Variants in PINX1 observed in about 807,000 individuals in gnomAD.
PINX1 encodes the protein PIN2/TERF1-interacting telomerase inhibitor 1.
Under a neutral mutation model 25.4 loss-of-function variants are expected in PINX1, and 34 were observed. The observed-to-expected ratio is 1.34, with a 90% confidence interval of 1.02 to 1.78. The LOEUF (loss-of-function observed/expected upper bound fraction) is 1.78. PINX1 is among the 40% of genes most tolerant of loss of function. The pLI is 0.00. For synonymous variants in PINX1, 197 were observed against 147.7 expected (o/e 1.33, Z -2.42); for missense variants, 592 against 404.9 (o/e 1.46, Z -3.97).
chr8:10,838,043 T>C (rs1268775792), intron 1 of PINX1, among the ~76,000 whole-genome samples: 3 of 152,160 alleles, frequency 2.0e-5, no homozygotes, highest in African/African-American at 7.2e-5. Context: ...ATAAGGCAAA[T>C]CAGAGCGGTA....
At chr8:10,786,509 T>TG (rs1167598425) in intron 6 of PINX1, among the ~76,000 whole-genome samples, 1 of 152,180 alleles carries the variant, frequency 6.6e-6, no homozygotes, top group Non-Finnish European at 1.5e-5. Flanking sequence ...AGTCTCAGCG[T>TG]GGCTGCAGCA....
chr8:10,814,610 G>C (rs1343149542), intron 6 of PINX1, among the ~76,000 whole-genome samples: 3 of 152,246 alleles, frequency 2.0e-5, no homozygotes, highest in Admixed American at 6.5e-5. Context: ...CAAGTAGATT[G>C]TGCATGGCGT....
At chr8:10,838,745 T>C (rs1798480825) in intron 1 of PINX1, among the ~76,000 whole-genome samples, 1 of 152,242 alleles carries the variant, frequency 6.6e-6, no homozygotes, top group East Asian at 1.9e-4. Flanking sequence ...TCCGCTGGTC[T>C]TACTGGCAAG....
intron 6 of PINX1, among the ~76,000 whole-genome samples, chr8:10,804,508 A>G (rs978540469): frequency 6.6e-6 from 1 of 152,116 alleles, no homozygotes; most frequent in Non-Finnish European, 1.5e-5. Context: ...TGCATCTGTC[A>G]TACGCTGGGC....
intron 5 of PINX1, 35 bp downstream of exon 5, chr8:10,826,117 A>G (rs369897834): frequency 2.1e-5 from 26 of 1,210,464 alleles, no homozygotes; most frequent in Non-Finnish European, 3.0e-5. Context: ...AAACACGTAG[A>G]TTTCAATAAC....
intron 1 of PINX1, among the ~76,000 whole-genome samples, chr8:10,836,944 T>G (rs989604582): frequency 6.5e-5 from 8 of 122,798 alleles, no homozygotes; most frequent in African/African-American, 2.9e-4. Context: ...TCTGAGCTGT[T>G]CCAATTGGAT....
At chr8:10,823,209 T>C (rs1216168977) in intron 5 of PINX1, among the ~76,000 whole-genome samples, 1 of 152,252 alleles carries the variant, frequency 6.6e-6, no homozygotes, top group Non-Finnish European at 1.5e-5. Flanking sequence ...CAATTCTGTA[T>C]TTCCCGACCA....
At chr8:10,801,965 T>G (rs1802277196) in intron 6 of PINX1, among the ~76,000 whole-genome samples, 1 of 152,138 alleles carries the variant, frequency 6.6e-6, no homozygotes, top group South Asian at 2.1e-4. Flanking sequence ...AATCTCACAG[T>G]ACTGCCCCAT....
At position 10,765,852 on chromosome 8, in the gene PINX1, T is replaced by C. The variant is rs1801022973; in HGVS notation, c.536A>G (p.Gln179Arg). Residue 179 changes from glutamine to arginine, a missense_variant, in exon 7 of 7, where the codon CAG becomes CGG. Coordinates refer to ENST00000314787, the MANE Select transcript of PINX1 (RefSeq NM_017884.6). ...TGCCATCCGCTTGGCAAAGTACTCCTGGATGGTGAAGGCGCTGGTTGTCGT... is the reference window on the plus strand; with the variant it reads ...TGCCATCCGCTTGGCAAAGTACTCCCGGATGGTGAAGGCGCTGGTTGTCGT... ...ETTTTSAFTI[Q>R]EYFAKRMAAL... is the part of the protein sequence containing the mutation. The C allele has an allele frequency of 6.2e-7, 1 of 1,613,986 alleles. No homozygotes were observed. Among genetic ancestry groups the C allele is most frequent in the Non-Finnish European group, 8.5e-7 (1 of 1,179,894 alleles).
chr8:10,787,695 T>C, intron 6 of PINX1: 1 of 394,604 alleles, frequency 2.5e-6, no homozygotes, highest in Non-Finnish European at 5.0e-6. Flanking sequence ...ATCTATGTGG[T>C]TAAAGTGAGT....
chr8:10,838,643 C>A (rs1798478080), intron 1 of PINX1, among the ~76,000 whole-genome samples: 1 of 152,192 alleles, frequency 6.6e-6, no homozygotes, highest in African/African-American at 2.4e-5. Flanking sequence ...GAGATCTTAG[C>A]TATCTAGGCT....
chr8:10,803,118 CA>C (rs374134564), intron 6 of PINX1, among the ~76,000 whole-genome samples: 1 of 151,800 alleles, frequency 6.6e-6, no homozygotes, highest in African/African-American at 2.4e-5. Flanking sequence ...TTCAAATATA[CA>C]AAAAAAATTA....
At position 10,765,367 on chromosome 8, in the gene PINX1, G is replaced by C. The variant is rs761194057; in HGVS notation, c.*34C>G. 5.2e-6 allele frequency: 8 copies of C among 1,545,050 alleles called. No individual in the cohort carries two copies. The South Asian group carries it at 1.0e-4, about 19-fold the overall frequency. On this transcript the variant is annotated 3_prime_UTR_variant, in exon 7 of 7. Transcript: ENST00000314787. ...TGTCTGCCCCCGCAGTGCCCTGACA[G>C]CTGAGTGGTCGGAAGGCCCCGGCTG...
intron 6 of PINX1, among the ~76,000 whole-genome samples, chr8:10,816,113 T>C (rs1230738905): frequency 6.6e-6 from 1 of 152,122 alleles, no homozygotes; most frequent in African/African-American, 2.4e-5. Flanking sequence ...AGGGAGGCCT[T>C]GGTGGTAATG....
chr8:10,812,563 C>T (rs1311171631), intron 6 of PINX1, among the ~76,000 whole-genome samples: 2 of 152,206 alleles, frequency 1.3e-5, no homozygotes, highest in Non-Finnish European at 1.5e-5. Flanking sequence ...TGAATTTCAT[C>T]AGTCAGTGCT....
intron 6 of PINX1, among the ~76,000 whole-genome samples, chr8:10,766,965 G>A (rs13258593): frequency 0.073 from 11,071 of 152,122 alleles, 532 homozygotes; most frequent in African/African-American, 0.14. Flanking sequence ...GAATATGCTC[G>A]GAGTCAAATC....
intron 6 of PINX1, among the ~76,000 whole-genome samples, chr8:10,789,452 T>C (rs1338021483): frequency 6.6e-6 from 1 of 152,188 alleles, no homozygotes; most frequent in Admixed American, 6.5e-5. Flanking sequence ...TAAGATCTAA[T>C]CTATTAGCAA....
In PINX1 at chr8:10,775,538, A is replaced by G. The variant is rs370353684; in HGVS notation, c.472-9622T>C. Among the ~76,000 whole-genome samples, 53 of 152,026 alleles carry G rather than the reference A, an allele frequency of 3.5e-4. 1 individual carries two copies. In the South Asian group the frequency reaches 0.011, roughly 32 times the overall value. On this transcript the variant is annotated intron_variant, in intron 6 of 6. Coordinates refer to ENST00000314787, the MANE Select transcript of PINX1 (RefSeq NM_017884.6). ...AAATGAAGTTTTAAAAAAGACATCT[A>G]AAACCCAAGTCCTAAAATATTGTCA... is the stretch of plus-strand genomic sequence containing the variant.
intron 6 of PINX1, among the ~76,000 whole-genome samples, chr8:10,766,922 G>A (rs2129070057): frequency 6.6e-6 from 1 of 152,326 alleles, no homozygotes; most frequent in East Asian, 1.9e-4. Flanking sequence ...GTGCCTGTGA[G>A]GCAGGAAGTG....
Sources: allele counts gnomAD v4.1 joint callset (sites outside exome capture counted in the v4.1 genomes callset), GRCh38; gene constraint gnomAD v4.1.1; transcripts MANE v1.5; gene names NCBI Gene and HGNC (gene_info 2026-07-23, HGNC 2026-07-21).